The following CBFA2T3 variants were observed in gnomAD, a reference collection of about 807,000 sequenced individuals.
The protein encoded by CBFA2T3 is transcriptional corepressor CBFA2T3.
CBFA2T3 carries 31 observed loss-of-function variants against 58.6 expected under a neutral mutation model. That is an observed-to-expected ratio of 0.53 (90% CI 0.40 to 0.71). The LOEUF (loss-of-function observed/expected upper bound fraction) is 0.71. Among genes scored for constraint, CBFA2T3 ranks in the 30% least tolerant of loss-of-function variants. The probability of loss-of-function intolerance (pLI) is 0.00; values close to 1 mark genes in which losing one functional copy is unlikely to be tolerated. For synonymous variants in CBFA2T3, 531 were observed against 421.9 expected (o/e 1.26, Z -3.17); for missense variants, 1,076 against 963.1 (o/e 1.12, Z -1.55).
At chr16:88,941,712 T>C (rs1041057881) in intron 1 of CBFA2T3, 2 of 146,454 alleles carry the variant, frequency 1.4e-5, no homozygotes, top group South Asian at 4.3e-4. Context: ...GGCGCGGCTC[T>C]GGGGGGCGGC....
At position 88,885,708 on chromosome 16, in the gene CBFA2T3, C is replaced by T. The variant is rs924416752; in HGVS notation, c.893+253G>A. ...CCATGCCCGGCACACAGGGGAGAGC[C>T]GTCCTCCCACCAGCCTCCTCCCTGT... On this transcript the variant is annotated intron_variant, in intron 6 of 11. Transcript: ENST00000268679. This position sits in a 1 kb window ranked among gnomAD's most constrained non-coding sequence, Gnocchi z 5.3. 3.6e-5 allele frequency: 19 copies of T among 525,542 alleles called. No individual in the cohort carries two copies. Among genetic ancestry groups the T allele is most frequent in the Admixed American group, 6.9e-5 (2 of 28,882 alleles). 32.6% of individuals were successfully genotyped at this position (525,542 alleles called of 1,614,324 possible). A position where few individuals can be genotyped will look rare whatever the true frequency, so the allele number is the denominator to read the frequency against.
At chr16:88,914,964 G>A (rs1034057696) in intron 1 of CBFA2T3, among the ~76,000 whole-genome samples, 57 of 151,414 alleles carry the variant, frequency 3.8e-4, no homozygotes, top group Non-Finnish European at 3.5e-4. Flanking sequence ...TGGGCCGCCC[G>A]CTGCCGGGGC....
At chr16:88,902,174 G>A (rs571686402) in intron 1 of CBFA2T3, among the ~76,000 whole-genome samples, 88 of 152,346 alleles carry the variant, frequency 5.8e-4, no homozygotes, top group Non-Finnish European at 7.1e-4. Flanking sequence ...TCCACTTTCA[G>A]ATGCTAGAAG....
rs546768009 is a variant in CBFA2T3, at chr16:88,949,900, T to C, written c.151+26757A>G. Among the ~76,000 whole-genome samples the C allele has an allele frequency of 6.6e-5, 10 of 151,986 alleles. No individual in the cohort carries two copies. The South Asian group carries it at 1.2e-3, about 19-fold the overall frequency. ...TGGTGGGTGCCTGTAATCCCAGCTA[T>C]TGGGGAGGCTGAGGCAGGAGAATCA... On this transcript the variant is annotated intron_variant, in intron 1 of 11. Coordinates refer to ENST00000268679, the MANE Select transcript of CBFA2T3 (RefSeq NM_005187.6).
chr16:88,965,092 C>T (rs1288507489), intron 1 of CBFA2T3, among the ~76,000 whole-genome samples: 4 of 121,694 alleles, frequency 3.3e-5, no homozygotes, highest in East Asian at 3.9e-4. Context: ...CCCATCTATC[C>T]ATCCATCCAT....
intron 1 of CBFA2T3, among the ~76,000 whole-genome samples, chr16:88,973,934 A>C (rs961621192): frequency 6.7e-6 from 1 of 150,090 alleles, no homozygotes; most frequent in African/African-American, 2.5e-5. Context: ...TCCCCATAAC[A>C]CCCGCCCGCC....
rs1037470930 is a variant in CBFA2T3 at position 88,885,971 on chromosome 16, T to C, written c.883A>G (p.Thr295Ala). 10 of 1,549,440 alleles carry C rather than the reference T, an allele frequency of 6.5e-6. No homozygotes were observed. The highest frequency in any genetic ancestry group is 7.0e-6 in the Non-Finnish European group (8 of 1,147,504). ...GGAGCCCACAGGTACCTGTCGGGCG[T>C]CCTCCTCTTGCCGTTCTCGTTGACT... is the stretch of plus-strand genomic sequence containing the variant. ...LEVNENGKRR[T>A]PDRTKENGSD... Residue 295 changes from threonine (T) to alanine (A), a missense_variant, in exon 6 of 12, where the codon ACG becomes GCG. Thr to Ala is a moderately conservative substitution (Grantham distance 58, BLOSUM62 0). Transcript: ENST00000268679. The surrounding 1 kb of genome is among the most constrained non-coding windows in gnomAD (Gnocchi z 5.3).
In CBFA2T3 at chr16:88,874,928, A is replaced by G. The variant is rs1204662829; in HGVS notation, c.*2048T>C. 2 of 232,906 alleles carry G rather than the reference A, an allele frequency of 8.6e-6. No individual in the cohort carries two copies. The highest frequency in any genetic ancestry group is 4.4e-5 in the African/African-American group (2 of 45,298). 14.4% of individuals were successfully genotyped at this position (232,906 alleles called of 1,614,324 possible). ...CATGAATATCATTTGGACCTCTGCAAAGACTATATACATTCACATTAACGT... is the reference window on the plus strand; with the variant it reads ...CATGAATATCATTTGGACCTCTGCAGAGACTATATACATTCACATTAACGT... On this transcript the variant is annotated 3_prime_UTR_variant, in exon 12 of 12. Coordinates refer to ENST00000268679, the MANE Select transcript of CBFA2T3 (RefSeq NM_005187.6).
chr16:88,915,923 C>T lies in CBFA2T3; in HGVS notation c.152-14267G>A, dbSNP rs188787433. ...GTCACGGTGCCCTCTATCCATTAGGCATGTGTGCGTGTGAGTGTGCATGCA... is the reference window on the plus strand; with the variant it reads ...GTCACGGTGCCCTCTATCCATTAGGTATGTGTGCGTGTGAGTGTGCATGCA... On this transcript the variant is annotated intron_variant, in intron 1 of 11. Coordinates refer to ENST00000268679, the MANE Select transcript of CBFA2T3 (RefSeq NM_005187.6). Among the ~76,000 whole-genome samples, 553 of 152,186 alleles carry T rather than the reference C, an allele frequency of 3.6e-3. 1 individual carries two copies. The highest frequency in any genetic ancestry group is 0.013 in the African/African-American group (530 of 41,484).
At chr16:88,915,886 CCT>C (rs1567605547) in intron 1 of CBFA2T3, among the ~76,000 whole-genome samples, 4 of 152,048 alleles carry the variant, frequency 2.6e-5, no homozygotes, top group Non-Finnish European at 2.9e-5. Flanking sequence ...GCCACCTTCC[CCT>C]CTCAGGAGCG....
chr16:88,924,541 G>A (rs922131170), intron 1 of CBFA2T3, among the ~76,000 whole-genome samples: 2 of 152,136 alleles, frequency 1.3e-5, no homozygotes, highest in African/African-American at 4.8e-5. Flanking sequence ...GGTGGCTGCG[G>A]GGGCCACCAG....
intron 1 of CBFA2T3, among the ~76,000 whole-genome samples, chr16:88,972,527 C>A (rs1229860674): frequency 6.6e-5 from 10 of 152,208 alleles, no homozygotes; most frequent in African/African-American, 1.9e-4. Flanking sequence ...GCAGCCCTGT[C>A]CCCTTGCGAT....
rs529614535 is a variant in CBFA2T3, at chr16:88,882,536, C to T, written c.1203+140G>A. On this transcript the variant is annotated intron_variant, in intron 8 of 11. Coordinates refer to ENST00000268679, the MANE Select transcript of CBFA2T3 (RefSeq NM_005187.6). Reference sequence around the variant, plus strand: ...GTGGGCGTGGCTTGTGTGGGCATGGCTGTGTGCATGGGTGTGGCTGTGTGT... The same window carrying T: ...GTGGGCGTGGCTTGTGTGGGCATGGTTGTGTGCATGGGTGTGGCTGTGTGT... 54 of 643,126 alleles carry T rather than the reference C, an allele frequency of 8.4e-5. No homozygotes were observed. In the East Asian group the frequency reaches 1.5e-3, roughly 18 times the overall value. 39.8% of individuals were successfully genotyped at this position (643,126 alleles called of 1,614,324 possible). A position where few individuals can be genotyped will look rare whatever the true frequency, so the allele number is the denominator to read the frequency against.
chr16:88,883,692 C>T (rs575825124), intron 7 of CBFA2T3: 15 of 150,870 alleles, frequency 9.9e-5, no homozygotes, highest in South Asian at 4.2e-4. Context: ...TGAGTGACCC[C>T]GGCAGTGGCC....
intron 1 of CBFA2T3, among the ~76,000 whole-genome samples, chr16:88,905,965 A>T (rs1970313247): frequency 6.8e-6 from 1 of 146,646 alleles, no homozygotes; most frequent in Admixed American, 6.6e-5. Context: ...CCACAGCAGG[A>T]GGCTGAGTCC....
chr16:88,921,896 G>A (rs1970933759), intron 1 of CBFA2T3, among the ~76,000 whole-genome samples: 1 of 152,236 alleles, frequency 6.6e-6, no homozygotes, highest in Admixed American at 6.5e-5. Context: ...CCTGGGGAAT[G>A]GGGACGCCTC....
In CBFA2T3 at chr16:88,885,339, G is replaced by A. The variant is rs1721416640; in HGVS notation, c.894-70C>T. 2 of 1,096,700 alleles carry A rather than the reference G, an allele frequency of 1.8e-6. No individual in the cohort carries two copies. Among genetic ancestry groups the A allele is most frequent in the East Asian group, 5.5e-5 (2 of 36,406 alleles). The allele number at this position is 1,096,700 out of a possible 1,614,324, so 67.9% of individuals were successfully genotyped here. On this transcript the variant is annotated intron_variant, in intron 6 of 11. Transcript: ENST00000268679. This position sits in a 1 kb window ranked among gnomAD's most constrained non-coding sequence, Gnocchi z 5.3. Reference sequence around the variant, plus strand: ...AACCGGGGACAGAGGTGCAGGTGGGGTGAGAGGCAGACAGGCAAGGGCAGA... The same window carrying A: ...AACCGGGGACAGAGGTGCAGGTGGGATGAGAGGCAGACAGGCAAGGGCAGA...
At chr16:88,910,452 A>G (rs1377135960) in intron 1 of CBFA2T3, among the ~76,000 whole-genome samples, 1 of 152,180 alleles carries the variant, frequency 6.6e-6, no homozygotes, top group Non-Finnish European at 1.5e-5. Context: ...GCAGGCATTC[A>G]GCAAACACTT....
At chr16:88,895,024 C>T (rs1031163431) in intron 3 of CBFA2T3, among the ~76,000 whole-genome samples, 13 of 152,166 alleles carry the variant, frequency 8.5e-5, no homozygotes, top group Non-Finnish European at 1.9e-4. Flanking sequence ...TGGGAGGTGA[C>T]CCCTGCTGAG....
Sources: allele counts gnomAD v4.1 joint callset (sites outside exome capture counted in the v4.1 genomes callset), GRCh38; gene constraint gnomAD v4.1.1; non-coding constraint Gnocchi (gnomAD v3.1); transcripts MANE v1.5; gene names NCBI Gene and HGNC (gene_info 2026-07-23, HGNC 2026-07-21).